The following C4orf51 variants were observed in gnomAD, a reference collection of about 807,000 sequenced individuals.
C4orf51 encodes chromosome 4 open reading frame 51.
A neutral mutation model predicts 25.2 loss-of-function variants in C4orf51; 25 were observed. The ratio of observed to expected loss-of-function variants is 0.99; its 90% CI spans 0.72 to 1.39. The LOEUF (loss-of-function observed/expected upper bound fraction) is 1.39. C4orf51 is among the 40% of genes most tolerant of loss of function. The pLI, the probability that C4orf51 is intolerant of heterozygous loss-of-function variation, is 0.00. For missense variants in C4orf51, 252 were observed against 239.6 expected (o/e 1.05, Z -0.34); for synonymous variants, 100 against 84.5 (o/e 1.18, Z -1.01).
At chr4:145,716,134 TGATA>T (rs1371251928) in intron 2 of C4orf51, among the ~76,000 whole-genome samples, 1 of 152,224 alleles carries the variant, frequency 6.6e-6, no homozygotes, top group Non-Finnish European at 1.5e-5. Context: ...ATTAGGGGGT[TGATA>T]GATAAACTTC....
chr4:145,733,704 TTAAA>T (rs913106638), downstream of C4orf51, among the ~76,000 whole-genome samples: 4 of 152,114 alleles, frequency 2.6e-5, no homozygotes, highest in African/African-American at 9.7e-5. Flanking sequence ...CTAGGTCGGG[TTAAA>T]TACATTCCCC....
At chr4:145,715,221 A>G (rs1731346415) in intron 2 of C4orf51, among the ~76,000 whole-genome samples, 1 of 151,340 alleles carries the variant, frequency 6.6e-6, no homozygotes, top group South Asian at 2.1e-4. Context: ...TTTCTGATGG[A>G]CTCCCTGAAG....
downstream of C4orf51, among the ~76,000 whole-genome samples, chr4:145,771,799 A>G (rs1294649547): frequency 1.3e-5 from 2 of 152,260 alleles, no homozygotes; most frequent in Non-Finnish European, 2.9e-5. Context: ...TGTAGATCAC[A>G]ACTTCACTTA....
intron 2 of C4orf51, among the ~76,000 whole-genome samples, chr4:145,713,945 G>A (rs1731265372): frequency 6.6e-6 from 1 of 152,048 alleles, no homozygotes; most frequent in South Asian, 2.1e-4. Flanking sequence ...ACCATGCCTG[G>A]CCAATTTTTG....
At chr4:145,768,549 A>G (rs1022257796) in intron 1 of C4orf51, among the ~76,000 whole-genome samples, 6 of 152,062 alleles carry the variant, frequency 3.9e-5, no homozygotes, top group African/African-American at 9.7e-5. Flanking sequence ...TAAGATGTCA[A>G]TTATCCACAG....
intron 1 of C4orf51, among the ~76,000 whole-genome samples, chr4:145,696,148 G>C (rs1003692198): frequency 6.6e-5 from 10 of 152,168 alleles, no homozygotes; most frequent in Non-Finnish European, 2.9e-5. Context: ...TGTAGTCCTA[G>C]CTACTCAGGA....
At chr4:145,694,493 G>C (rs1406524836) in intron 1 of C4orf51, among the ~76,000 whole-genome samples, 1 of 82,864 alleles carries the variant, frequency 1.2e-5, no homozygotes, top group African/African-American at 4.7e-5. Context: ...CGTCCGGGAG[G>C]GAGGTGGGGG....
At chr4:145,700,128 TGTGCCCC>T in intron 2 of C4orf51, among the ~76,000 whole-genome samples, 1 of 123,020 alleles carries the variant, frequency 8.1e-6, no homozygotes, top group East Asian at 2.4e-4. Context: ...CTCTTATCTC[TGTGCCCC>T]AATCCCTTAT....
intron 5 of C4orf51, among the ~76,000 whole-genome samples, chr4:145,731,109 G>A (rs1732430166): frequency 6.6e-6 from 1 of 152,182 alleles, no homozygotes; most frequent in South Asian, 2.1e-4. Context: ...TAGGGTTGAT[G>A]CCTGTTTCTA....
chr4:145,692,879 GA>G (rs1170415338), intron 1 of C4orf51, among the ~76,000 whole-genome samples: 2 of 149,954 alleles, frequency 1.3e-5, no homozygotes, highest in African/African-American at 4.9e-5. Flanking sequence ...AGGAAACTGG[GA>G]TACAGATGTG....
chr4:145,730,322 G>A (rs951999015), intron 5 of C4orf51, among the ~76,000 whole-genome samples: 10 of 152,176 alleles, frequency 6.6e-5, no homozygotes, highest in South Asian at 2.1e-4. Context: ...CTGCCCTGCC[G>A]CATATCCACC....
chr4:145,694,036 C>T (rs1270842263), intron 1 of C4orf51, among the ~76,000 whole-genome samples: 8 of 134,868 alleles, frequency 5.9e-5, no homozygotes, highest in Admixed American at 5.8e-4. Context: ...ACGGGGCGGC[C>T]GGGCAGAGAC....
downstream of C4orf51, among the ~76,000 whole-genome samples, chr4:145,733,756 G>T (rs1463518202): frequency 1.3e-5 from 2 of 152,114 alleles, no homozygotes; most frequent in Non-Finnish European, 2.9e-5. Flanking sequence ...ACCTTCGTAT[G>T]GTTTCCATTA....
At chr4:145,783,155 C>T in the C4orf51 span, among the ~76,000 whole-genome samples, 1 of 152,202 alleles carries the variant, frequency 6.6e-6, no homozygotes, top group African/African-American at 2.4e-5. Flanking sequence ...CCCTGGCCTC[C>T]CTTCCCTGGG....
At chr4:145,774,803 A>G, downstream of C4orf51, 2 of 1,080,448 alleles carry the variant, frequency 1.9e-6, no homozygotes, top group South Asian at 3.3e-5. Flanking sequence ...CTCCACCAAA[A>G]GGTTTTGCAT....
intron 1 of C4orf51, among the ~76,000 whole-genome samples, chr4:145,753,362 T>G (rs1242270665): frequency 2.6e-5 from 4 of 151,990 alleles, no homozygotes; most frequent in African/African-American, 9.7e-5. Context: ...TCTATCTTTA[T>G]TATGTATGTA....
intron 1 of C4orf51, among the ~76,000 whole-genome samples, chr4:145,743,694 T>C (rs910746147): frequency 6.6e-6 from 1 of 152,234 alleles, no homozygotes; most frequent in Non-Finnish European, 1.5e-5. Context: ...TCTTACTAAC[T>C]ACAGAGTAGT....
the C4orf51 span, among the ~76,000 whole-genome samples, chr4:145,788,950 G>A: frequency 6.6e-6 from 1 of 152,184 alleles, no homozygotes; most frequent in African/African-American, 2.4e-5. Flanking sequence ...TTTCCAGGTG[G>A]CAATGTGCCC....
chr4:145,774,337 T>C (rs1361361633), downstream of C4orf51, among the ~76,000 whole-genome samples: 1 of 152,048 alleles, frequency 6.6e-6, no homozygotes, highest in South Asian at 2.1e-4. Context: ...CAGGAAACAG[T>C]ATTATGACTA....
Sources: gnomAD v4.1 joint callset for allele counts (sites outside exome capture counted in the v4.1 genomes callset) on GRCh38, gnomAD v4.1.1 for gene constraint, MANE v1.5 for transcripts, NCBI Gene and HGNC (gene_info 2026-07-23, HGNC 2026-07-21) for gene names.